HIP1: variants seen among roughly 807,000 people sequenced by gnomAD.
The protein encoded by HIP1 is huntingtin-interacting protein 1.
HIP1 carries 65 observed loss-of-function variants against 147.6 expected under a neutral mutation model. The ratio of observed to expected loss-of-function variants is 0.44; its 90% CI spans 0.36 to 0.54. HIP1 has a LOEUF of 0.54. HIP1 is among the 20% of genes least tolerant of loss of function. The pLI is 0.00. For synonymous variants in HIP1, 479 were observed against 504.0 expected (o/e 0.95, Z 0.67); for missense variants, 1,061 against 1,299.6 (o/e 0.82, Z 2.82).
chr7:75,680,045 C>G (rs4731597), intron 1 of HIP1, among the ~76,000 whole-genome samples: 87,027 of 151,690 alleles, frequency 0.57, 25,397 homozygotes, highest in African/African-American at 0.66. Flanking sequence ...TTGATTGATT[C>G]ATTCATTCAT....
At chr7:75,631,676 G>A (rs587639946) in intron 1 of HIP1, among the ~76,000 whole-genome samples, 1 of 152,206 alleles carries the variant, frequency 6.6e-6, no homozygotes, top group South Asian at 2.1e-4. Flanking sequence ...ATTTTTTCTT[G>A]AATGACCCAT....
Position 75,563,206 on chromosome 7 carries a change from C to T in HIP1, c.861G>A (p.Gln287=). 6.2e-7 allele frequency: 1 copy of T among 1,614,212 alleles called. No individual in the cohort carries two copies. Among genetic ancestry groups the T allele is most frequent in the Non-Finnish European group, 8.5e-7 (1 of 1,180,032 alleles). The stretch of plus-strand genomic sequence containing the variant: ...TGCTTACCTCAGGCAGCTGGGGGAT[C>T]TGAATGAGCCGCTTGAAGTACTGCA... ...SNLQYFKRLI[Q]IPQLPENPPN... is the part of the protein sequence containing the mutation. Residue 287 remains glutamine (Q), a synonymous_variant, in exon 10 of 31, where the codon CAG becomes CAA. Coordinates refer to ENST00000336926, the MANE Select transcript of HIP1 (RefSeq NM_005338.7).
intron 1 of HIP1, among the ~76,000 whole-genome samples, chr7:75,674,475 G>A (rs1171205032): frequency 1.3e-5 from 2 of 148,620 alleles, no homozygotes; most frequent in Admixed American, 7.0e-5. Context: ...TCATCTCACT[G>A]GCTTCTAAAC....
At chr7:75,581,150 T>C in intron 7 of HIP1, 87 bp downstream of exon 7, 2 of 1,012,084 alleles carry the variant, frequency 2.0e-6, no homozygotes. Flanking sequence ...TCCTACCCCT[T>C]GTGCTGCACA....
intron 1 of HIP1, among the ~76,000 whole-genome samples, chr7:75,617,672 G>A (rs1198822315): frequency 1.3e-5 from 2 of 152,166 alleles, no homozygotes; most frequent in East Asian, 1.9e-4. Flanking sequence ...TAAGAGACTC[G>A]GACACCAGGC....
intron 1 of HIP1, among the ~76,000 whole-genome samples, chr7:75,620,212 C>G (rs587722320): frequency 1.3e-5 from 2 of 149,010 alleles, no homozygotes; most frequent in Admixed American, 1.3e-4. Flanking sequence ...ATGGTGAAAC[C>G]CTGTCTCTAC....
At chr7:75,662,105 G>T (rs1241581602) in intron 1 of HIP1, among the ~76,000 whole-genome samples, 1 of 147,082 alleles carries the variant, frequency 6.8e-6, no homozygotes, top group Non-Finnish European at 1.5e-5. Context: ...GGAAGGAGGG[G>T]GCGTAGCTGG....
chr7:75,645,294 T>C (rs1345862168), intron 1 of HIP1, among the ~76,000 whole-genome samples: 2 of 152,158 alleles, frequency 1.3e-5, no homozygotes, highest in Non-Finnish European at 1.5e-5. Context: ...TGGTGCAATC[T>C]TGGCTCACTG....
At chr7:75,599,516 C>T (rs1483325429) in intron 1 of HIP1, among the ~76,000 whole-genome samples, 3 of 152,218 alleles carry the variant, frequency 2.0e-5, no homozygotes, top group African/African-American at 7.2e-5. Flanking sequence ...CACTCACTCC[C>T]TTGGCACAAC....
Position 75,589,159 on chromosome 7 carries a change from A to AG in HIP1, c.385-2327_385-2326insC, listed in dbSNP as rs1796389950. Among the ~76,000 whole-genome samples the AG allele has an allele frequency of 3.9e-5, 6 of 151,926 alleles. No homozygotes were observed. In the South Asian group the frequency reaches 1.2e-3, roughly 31 times the overall value. ...GAGCAAAACTCTGTCTTAAAAAAAA[A>AG]AAAAAGAAGAAGAAGAAGAAGAAAA... is the stretch of plus-strand genomic sequence containing the variant. On this transcript the variant is annotated intron_variant, in intron 4 of 30. Coordinates refer to ENST00000336926, the MANE Select transcript of HIP1 (RefSeq NM_005338.7).
intron 1 of HIP1, among the ~76,000 whole-genome samples, chr7:75,721,951 C>T (rs73145059): frequency 0.029 from 4,388 of 152,292 alleles, 102 homozygotes; most frequent in African/African-American, 0.059. Context: ...AGGCAGTGGG[C>T]TCCAACAGGG....
At chr7:75,558,389 T>G (rs587764528) in intron 14 of HIP1, 134 bp from the exon 15 acceptor site, 1 of 709,814 alleles carries the variant, frequency 1.4e-6, no homozygotes, top group Non-Finnish European at 2.5e-6. Flanking sequence ...CAGGCTGGGG[T>G]GCAGTGGCAC....
At chr7:75,720,155 T>C (rs1554521080) in intron 1 of HIP1, among the ~76,000 whole-genome samples, 1 of 149,800 alleles carries the variant, frequency 6.7e-6, no homozygotes, top group Non-Finnish European at 1.5e-5. Flanking sequence ...GTTTTGTTTT[T>C]GTTTGTTTGT....
chr7:75,652,036 C>G (rs1799010637), intron 1 of HIP1, among the ~76,000 whole-genome samples: 1 of 146,374 alleles, frequency 6.8e-6, no homozygotes, highest in Admixed American at 6.9e-5. Context: ...ACTATATGAG[C>G]CTGGTATGGT....
At chr7:75,595,685 CT>C (rs1449672757) in intron 2 of HIP1, among the ~76,000 whole-genome samples, 2 of 152,130 alleles carry the variant, frequency 1.3e-5, no homozygotes, top group Admixed American at 1.3e-4. Flanking sequence ...GAAATAATGC[CT>C]TTCTGGCATT....
chr7:75,542,404 GA>G (rs199817001), intron 28 of HIP1, among the ~76,000 whole-genome samples: 4 of 146,004 alleles, frequency 2.7e-5, no homozygotes, highest in South Asian at 2.2e-4. Flanking sequence ...CTAAAAAAAA[GA>G]AAAAAAAATG....
intron 4 of HIP1, among the ~76,000 whole-genome samples, chr7:75,589,683 C>CAAAAAAAAA (rs1159535613): frequency 2.6e-4 from 13 of 49,638 alleles, no homozygotes; most frequent in African/African-American, 1.0e-3. Context: ...ACTCTGTCTC[C>CAAAAAAAAA]AAAAAAAAAA....
Position 75,738,654 on chromosome 7 carries a change from C to T in HIP1, c.120+147G>A, listed in dbSNP as rs1048538422. On this transcript the variant is annotated intron_variant, in intron 1 of 30. Transcript: ENST00000336926. ...GGTCCCCGACCTTCCTGGGATCGCCCAGATCTGCACGTCAATGCCCCCGCT... is the reference window on the plus strand; with the variant it reads ...GGTCCCCGACCTTCCTGGGATCGCCTAGATCTGCACGTCAATGCCCCCGCT... 7 of 1,050,258 alleles carry T rather than the reference C, an allele frequency of 6.7e-6. No individual in the cohort carries two copies. The East Asian group carries it at 2.0e-4, about 29-fold the overall frequency. The allele number at this position is 1,050,258 out of a possible 1,614,324, so 65.1% of individuals were successfully genotyped here.
intron 27 of HIP1, among the ~76,000 whole-genome samples, chr7:75,544,199 A>T (rs1794446404): frequency 1.3e-5 from 2 of 151,010 alleles, no homozygotes; most frequent in Admixed American, 6.6e-5. Flanking sequence ...AAGCCTCTGT[A>T]AGAGGATAGT....
Sources: allele counts gnomAD v4.1 joint callset (sites outside exome capture counted in the v4.1 genomes callset), GRCh38; gene constraint gnomAD v4.1.1; transcripts MANE v1.5; gene names NCBI Gene and HGNC (gene_info 2026-07-23, HGNC 2026-07-21).